The following ATP2B1 variants were observed in gnomAD, a reference collection of about 807,000 sequenced individuals.
ATP2B1 encodes the protein ATPase plasma membrane Ca2+ transporting 1.
A neutral mutation model predicts 124.2 loss-of-function variants in ATP2B1; 14 were observed. That is an observed-to-expected ratio of 0.11 (90% CI 0.07 to 0.18). The LOEUF (loss-of-function observed/expected upper bound fraction) is 0.18, where lower values mean the gene tolerates loss of function less well. Ranked by LOEUF, ATP2B1 falls within the 10% of genes least tolerant of loss-of-function variation. The pLI is 1.00. For missense variants in ATP2B1, 763 were observed against 1,466.1 expected (o/e 0.52, Z 7.83); for synonymous variants, 449 against 492.4 (o/e 0.91, Z 1.17).
rs367779801 is a variant in ATP2B1, at chr12:89,603,948, T to G, written c.2635-23A>C. ...GTCCTAGAAAAGATATGTTTCCTAATAGACATTCACAACTACTCAGGGGCT... is the reference window on the plus strand; with the variant it reads ...GTCCTAGAAAAGATATGTTTCCTAAGAGACATTCACAACTACTCAGGGGCT... On this transcript the variant is annotated intron_variant, in intron 16 of 20. Transcript: ENST00000428670. The surrounding 1 kb of genome is among the most constrained non-coding windows in gnomAD (Gnocchi z 4.3). 1 of 1,607,702 alleles carries G rather than the reference T, an allele frequency of 6.2e-7. No individual in the cohort carries two copies. The highest frequency in any genetic ancestry group is 2.2e-5 in the East Asian group (1 of 44,678).
At chr12:89,658,847 T>C (rs909998007) in intron 1 of ATP2B1, among the ~76,000 whole-genome samples, 1 of 152,148 alleles carries the variant, frequency 6.6e-6, no homozygotes, top group Non-Finnish European at 1.5e-5. Context: ...CCTCACTGTT[T>C]AAAGAAATTT....
At chr12:89,690,140 A>C (rs1890392787) in intron 1 of ATP2B1, among the ~76,000 whole-genome samples, 1 of 152,116 alleles carries the variant, frequency 6.6e-6, no homozygotes. Context: ...ACTATAAAGC[A>C]ATAACAGATA....
intron 20 of ATP2B1, among the ~76,000 whole-genome samples, chr12:89,596,519 A>G (rs1874651269): frequency 6.6e-6 from 1 of 152,184 alleles, no homozygotes; most frequent in African/African-American, 2.4e-5. Context: ...ATATGGTATC[A>G]ATGTTAAATT....
At chr12:89,606,572 CTTTTTT>C (rs11390166) in intron 15 of ATP2B1, among the ~76,000 whole-genome samples, 1 of 129,102 alleles carries the variant, frequency 7.7e-6, no homozygotes, top group Non-Finnish European at 1.6e-5. Context: ...TAATGTCCCA[CTTTTTT>C]TTTTTTTTTT....
At position 89,655,690 on chromosome 12, in the gene ATP2B1, G is replaced by A. The variant is rs1457049456; in HGVS notation, c.197C>T (p.Ser66Phe). 1 of 1,613,978 alleles carries A rather than the reference G, an allele frequency of 6.2e-7. No homozygotes were observed. The highest frequency in any genetic ancestry group is 8.5e-7 in the Non-Finnish European group (1 of 1,179,870). Residue 66 changes from serine to phenylalanine, a missense_variant, in exon 2 of 21, where the codon TCT (serine) becomes TTT (phenylalanine). By Grantham distance (155) the Ser-to-Phe change is radical. Coordinates refer to ENST00000428670, the MANE Select transcript of ATP2B1 (RefSeq NM_001366521.1). ...VYGICTKLKT[S>F]PNEGLSGNPA... ...ATAATAAAACTCACCTTCATTGGGA[G>A]ATGTTTTCAATTTGGTGCAAATTCC...
chr12:89,676,134 C>T (rs1888578499), intron 1 of ATP2B1, among the ~76,000 whole-genome samples: 1 of 152,060 alleles, frequency 6.6e-6, no homozygotes, highest in Non-Finnish European at 1.5e-5. Context: ...TAGAGAACCT[C>T]CCAATCTCCT....
intron 2 of ATP2B1, among the ~76,000 whole-genome samples, chr12:89,643,065 T>TACACACACACACACACACACACAC (rs145355576): frequency 5.6e-5 from 8 of 143,578 alleles, no homozygotes; most frequent in African/African-American, 1.0e-4. Context: ...TAAAGATACA[T>TACACACACACACACACACACACAC]ACACACACAC....
chr12:89,694,123 A>G (rs1275234370), intron 1 of ATP2B1, among the ~76,000 whole-genome samples: 2 of 152,192 alleles, frequency 1.3e-5, no homozygotes, highest in Non-Finnish European at 2.9e-5. Context: ...ACCCATAACT[A>G]TTCTAAGTAA....
intron 1 of ATP2B1, among the ~76,000 whole-genome samples, chr12:89,702,249 A>G (rs1417946794): frequency 6.6e-6 from 1 of 152,218 alleles, no homozygotes; most frequent in East Asian, 1.9e-4. Flanking sequence ...ATTTTTTGGA[A>G]CCAGCATTCT....
intron 20 of ATP2B1, among the ~76,000 whole-genome samples, chr12:89,595,858 T>C (rs1243109129): frequency 1.3e-5 from 2 of 152,048 alleles, no homozygotes; most frequent in Non-Finnish European, 2.9e-5. Flanking sequence ...AATAAAGAAG[T>C]AAACATCTCA....
intron 1 of ATP2B1, among the ~76,000 whole-genome samples, chr12:89,656,892 G>A (rs772458772): frequency 5.9e-5 from 9 of 151,984 alleles, no homozygotes; most frequent in African/African-American, 2.2e-4. Flanking sequence ...TAGTTCTGAG[G>A]GCAGAGTTTG....
intron 1 of ATP2B1, among the ~76,000 whole-genome samples, chr12:89,679,707 C>G (rs1245566693): frequency 6.6e-6 from 1 of 152,070 alleles, no homozygotes; most frequent in Non-Finnish European, 1.5e-5. Context: ...AGGCTTAAGA[C>G]TCTATGACAA....
chr12:89,613,178 A>C (rs1186127501), intron 12 of ATP2B1, among the ~76,000 whole-genome samples: 11 of 151,998 alleles, frequency 7.2e-5, no homozygotes, highest in Admixed American at 7.2e-4. Context: ...ATGGGGTTTC[A>C]CCATGTTGCC....
intron 1 of ATP2B1, among the ~76,000 whole-genome samples, chr12:89,688,826 C>G (rs904917649): frequency 2.0e-5 from 3 of 152,030 alleles, no homozygotes; most frequent in African/African-American, 7.2e-5. Flanking sequence ...TTTTCTAGCT[C>G]TAAAATTCTT....
At chr12:89,614,710 T>C (rs959125123) in intron 12 of ATP2B1, among the ~76,000 whole-genome samples, 2 of 152,254 alleles carry the variant, frequency 1.3e-5, no homozygotes, top group Non-Finnish European at 2.9e-5. Flanking sequence ...TTTCAGGCTC[T>C]GAGGTCCAAA....
At chr12:89,667,674 G>A (rs1356287124) in intron 1 of ATP2B1, among the ~76,000 whole-genome samples, 1 of 152,088 alleles carries the variant, frequency 6.6e-6, no homozygotes, top group African/African-American at 2.4e-5. Context: ...TCTAAATGAG[G>A]GAGAAAGACA....
chr12:89,599,348 T>C, intron 19 of ATP2B1, 49 bp from the exon 20 acceptor site: 1 of 1,580,624 alleles, frequency 6.3e-7, no homozygotes, highest in Non-Finnish European at 8.6e-7. Flanking sequence ...CAAGTAAAGG[T>C]AAGCTGATCA....
chr12:89,611,409 T>C, intron 12 of ATP2B1, 37 bp from the exon 13 acceptor site: 1 of 1,470,078 alleles, frequency 6.8e-7, no homozygotes, highest in Non-Finnish European at 9.0e-7. Context: ...CAAAGTTAAT[T>C]TGGTATTTTT....
intron 1 of ATP2B1, among the ~76,000 whole-genome samples, chr12:89,667,112 T>C (rs894993771): frequency 2.0e-5 from 3 of 152,198 alleles, no homozygotes; most frequent in African/African-American, 4.8e-5. Flanking sequence ...TTCCTCCTAA[T>C]GGCCCACTCT....
Sources: gnomAD v4.1 joint callset for allele counts (sites outside exome capture counted in the v4.1 genomes callset) on GRCh38, gnomAD v4.1.1 for gene constraint, Gnocchi (gnomAD v3.1) non-coding constraint, MANE v1.5 for transcripts, NCBI Gene and HGNC (gene_info 2026-07-23, HGNC 2026-07-21) for gene names.